Variants in NUP160 observed in about 807,000 individuals in gnomAD.
NUP160 encodes the protein nuclear pore complex protein Nup160.
Under a neutral mutation model 196.9 loss-of-function variants are expected in NUP160, and 94 were observed. The ratio of observed to expected loss-of-function variants is 0.48; its 90% CI spans 0.40 to 0.57. The LOEUF is 0.57. Among genes scored for constraint, NUP160 ranks in the 20% least tolerant of loss-of-function variants. The probability of loss-of-function intolerance (pLI) is 0.00; values close to 1 mark genes in which losing one functional copy is unlikely to be tolerated. For missense variants in NUP160, 1,638 were observed against 1,748.3 expected, an observed-to-expected ratio of 0.94 and a Z score of 1.13; for synonymous variants, 605 against 619.7, an observed-to-expected ratio of 0.98 and a Z score of 0.35.
intron 11 of NUP160, among the ~76,000 whole-genome samples, chr11:47,816,835 G>A (rs1260894877): frequency 6.6e-6 from 1 of 151,694 alleles, no homozygotes; most frequent in South Asian, 2.1e-4. Flanking sequence ...ATAGAGATGG[G>A]AATCTTGCCA....
exon 4 of NUP160, chr11:47,839,960 A>ATAT (rs1417959615): frequency 6.2e-7 from 1 of 1,613,510 alleles, no homozygotes; most frequent in African/African-American, 1.3e-5. Context: ...GAATTAGGAG[A>ATAT]TATTCCAGGT....
chr11:47,778,206 T>C (rs1318890360), exon 36 of NUP160: 1 of 152,466 alleles, frequency 6.6e-6, no homozygotes, highest in Non-Finnish European at 1.5e-5. Flanking sequence ...CAAAAGGCTA[T>C]ACAAGCAAGT....
exon 35 of NUP160, chr11:47,780,361 G>A: frequency 6.2e-7 from 1 of 1,612,616 alleles, no homozygotes; most frequent in Non-Finnish European, 8.5e-7. Context: ...TGTGACTGTT[G>A]GCACTGTTCT....
exon 25 of NUP160, chr11:47,798,169 T>C (rs1206036658): frequency 6.2e-7 from 1 of 1,608,336 alleles, no homozygotes; most frequent in Non-Finnish European, 8.5e-7. Context: ...TGAAATTACC[T>C]GCTGGAATCA....
rs1175234534 is a variant in NUP160 at position 47,848,095 on chromosome 11, T to C, written c.202+124A>G. The C allele has an allele frequency of 4.6e-5, 61 of 1,318,300 alleles. 1 individual carries two copies. Among genetic ancestry groups the C allele is most frequent in the East Asian group, 3.5e-4 (15 of 43,440 alleles). 81.7% of individuals were successfully genotyped at this position (1,318,300 alleles called of 1,614,324 possible). On this transcript the variant is annotated intron_variant, in intron 1 of 35. Coordinates refer to ENST00000378460, the Ensembl canonical transcript of NUP160. ...GGAAAACGTCGGACATCAAGGAATC[T>C]CTGATCCCGGGGCTAGAGGCATGTG... is the stretch of plus-strand genomic sequence containing the variant.
intron 7 of NUP160, among the ~76,000 whole-genome samples, chr11:47,834,819 G>C (rs922180158): frequency 3.9e-5 from 6 of 152,180 alleles, no homozygotes; most frequent in Admixed American, 1.3e-4. Flanking sequence ...CTGACTTCGG[G>C]GGGAGGAGCA....
In NUP160 at chr11:47,824,050, T is replaced by TATAC. The variant is rs202229968; in HGVS notation, c.1102-1890_1102-1887dup. Among the ~76,000 whole-genome samples, 5 of 99,078 alleles carry TATAC rather than the reference T, an allele frequency of 5.0e-5. 1 individual carries two copies. Among genetic ancestry groups the TATAC allele is most frequent in the African/African-American group, 2.1e-4 (5 of 23,478 alleles). 65.0% of individuals were successfully genotyped at this position (99,078 alleles called of 152,430 possible). Reference sequence around the variant, plus strand: ...ATATATATATATATATATATATATATATACACACACACATAGAAGTGGAAT... The same window carrying TATAC: ...ATATATATATATATATATATATATATATACATACACACACACATAGAAGTGGAAT... On this transcript the variant is annotated intron_variant, in intron 7 of 35. Transcript: ENST00000378460.
At chr11:47,792,034 T>A in intron 28 of NUP160, 44 bp from the exon 29 acceptor site, 4 of 1,305,920 alleles carry the variant, frequency 3.1e-6, no homozygotes, top group Non-Finnish European at 3.3e-6. Flanking sequence ...AATCAGTATT[T>A]TATTCTGATA....
intron 19 of NUP160, among the ~76,000 whole-genome samples, chr11:47,806,778 G>T: frequency 8.2e-6 from 1 of 122,506 alleles, no homozygotes; most frequent in South Asian, 2.8e-4. Context: ...AAACAGAATG[G>T]GAAAGCAGCT....
At chr11:47,826,569 C>T (rs894579100) in intron 7 of NUP160, among the ~76,000 whole-genome samples, 5 of 150,730 alleles carry the variant, frequency 3.3e-5, no homozygotes, top group Admixed American at 6.6e-5. Context: ...ATCCCCCCCC[C>T]CTTTTTTTTT....
intron 9 of NUP160, 82 bp downstream of exon 9, chr11:47,821,642 G>T: frequency 2.0e-6 from 2 of 1,008,980 alleles, no homozygotes; most frequent in South Asian, 1.3e-5. Context: ...TTACAGGCAT[G>T]AGACACGGCG....
chr11:47,784,652 A>C (rs1448652227), intron 33 of NUP160: 2 of 220,784 alleles, frequency 9.1e-6, no homozygotes, highest in African/African-American at 4.5e-5. Context: ...TTCCCAAAGT[A>C]CGTAAGTCAA....
chr11:47,798,505 T>C (rs1464942764), intron 23 of NUP160, 42 bp from the exon 24 acceptor site: 3 of 1,112,228 alleles, frequency 2.7e-6, no homozygotes, highest in Admixed American at 3.7e-5. Context: ...ATTAATATTG[T>C]AATGTACTTC....
At chr11:47,833,901 C>G (rs1027417331) in intron 7 of NUP160, among the ~76,000 whole-genome samples, 1 of 152,220 alleles carries the variant, frequency 6.6e-6, no homozygotes, top group Non-Finnish European at 1.5e-5. Flanking sequence ...GACTCTTAGA[C>G]GATTGTGTCT....
chr11:47,827,111 A>C, intron 7 of NUP160: 1 of 456,218 alleles, frequency 2.2e-6, no homozygotes, highest in Non-Finnish European at 4.4e-6. Flanking sequence ...TCACACTTGT[A>C]ATCCCAGCAC....
At position 47,788,166 on chromosome 11, in the gene NUP160, AT is replaced by A. The variant is rs542360539; in HGVS notation, c.3746+15del. ...TTGCATTAGAAAAGACTATAAAAAA[AT>A]AATTTTATACATACTTGAAGGCAAG... On this transcript the variant is annotated intron_variant, in intron 31 of 35. Coordinates refer to ENST00000378460, the Ensembl canonical transcript of NUP160. 238 of 1,597,244 alleles carry A rather than the reference AT, an allele frequency of 1.5e-4. 1 individual carries two copies. In the African/African-American group the frequency reaches 3.0e-3, roughly 20 times the overall value.
At chr11:47,784,895 A>C (rs1318056408) in intron 33 of NUP160, 27 bp downstream of exon 33, 5 of 1,522,716 alleles carry the variant, frequency 3.3e-6, no homozygotes, top group South Asian at 2.5e-5. Flanking sequence ...GTGGGTTCTT[A>C]CTCTGTACAA....
chr11:47,781,661 C>T (rs1213317653), intron 34 of NUP160, among the ~76,000 whole-genome samples: 1 of 152,210 alleles, frequency 6.6e-6, no homozygotes, highest in East Asian at 1.9e-4. Flanking sequence ...AACCTCTGAG[C>T]CTGTTCCCTC....
At chr11:47,814,425 C>G (rs2097683087) in intron 13 of NUP160, among the ~76,000 whole-genome samples, 1 of 151,738 alleles carries the variant, frequency 6.6e-6, no homozygotes, top group South Asian at 2.1e-4. Flanking sequence ...GCCTATAATC[C>G]CAGCTACTCT....
Sources: gnomAD v4.1 joint callset for allele counts (sites outside exome capture counted in the v4.1 genomes callset) on GRCh38, gnomAD v4.1.1 for gene constraint, MANE v1.5 for transcripts, NCBI Gene and HGNC (gene_info 2026-07-23, HGNC 2026-07-21) for gene names.